Variants in PCDH15 observed in about 807,000 individuals in gnomAD.
PCDH15 encodes the protein protocadherin related 15, also known as protocadherin-15.
A neutral mutation model predicts 178.5 loss-of-function variants in PCDH15; 129 were observed. That is an observed-to-expected ratio of 0.72 (90% CI 0.63 to 0.84). The LOEUF is 0.84. Ranked by LOEUF, PCDH15 falls within the 40% of genes least tolerant of loss-of-function variation. The pLI, the probability that PCDH15 is intolerant of heterozygous loss-of-function variation, is 0.00. For synonymous variants in PCDH15, 800 were observed against 732.0 expected (o/e 1.09, Z -1.50); for missense variants, 2,230 against 2,099.9 (o/e 1.06, Z -1.21).
intron 37 of PCDH15, 32 bp from the exon 38 acceptor site, chr10:53,807,162 T>TATC (rs1554815013): frequency 6.7e-7 from 1 of 1,495,512 alleles, no homozygotes; most frequent in African/African-American, 1.4e-5. Flanking sequence ...TGTGAGTCAC[T>TATC]ATCAAATAAA....
intron 1 of PCDH15, among the ~76,000 whole-genome samples, chr10:55,309,718 A>G (rs1240077980): frequency 6.6e-6 from 1 of 152,216 alleles, no homozygotes; most frequent in African/African-American, 2.4e-5. Context: ...ACAGATTACT[A>G]CATTTGTTTC....
chr10:55,138,662 T>G (rs1936459), intron 2 of PCDH15, among the ~76,000 whole-genome samples: 1 of 152,058 alleles, frequency 6.6e-6, no homozygotes, highest in Non-Finnish European at 1.5e-5. Context: ...TACACTGCAA[T>G]GATTTAAGGT....
intron 11 of PCDH15, among the ~76,000 whole-genome samples, chr10:54,186,229 T>A (rs1007214474): frequency 6.6e-6 from 1 of 152,020 alleles, no homozygotes; most frequent in East Asian, 1.9e-4. Context: ...GATTATACTA[T>A]CTTTTAAAGT....
At chr10:55,195,478 T>C (rs1229692770) in intron 1 of PCDH15, among the ~76,000 whole-genome samples, 2 of 58,980 alleles carry the variant, frequency 3.4e-5, no homozygotes, top group East Asian at 4.2e-4. Context: ...CTATTTCTAC[T>C]AAAAATACAA....
At chr10:54,426,529 C>T (rs1040698860) in intron 3 of PCDH15, among the ~76,000 whole-genome samples, 9 of 152,168 alleles carry the variant, frequency 5.9e-5, no homozygotes, top group South Asian at 4.1e-4. Flanking sequence ...TAACAGGCCA[C>T]GGAACGGTAC....
intron 1 of PCDH15, among the ~76,000 whole-genome samples, chr10:54,722,382 A>G (rs1049485812): frequency 6.6e-6 from 1 of 151,700 alleles, no homozygotes; most frequent in Admixed American, 6.6e-5. Context: ...ACCATTTATC[A>G]TTATTCTTCT....
chr10:54,334,108 A>G (rs1283727369), intron 6 of PCDH15, among the ~76,000 whole-genome samples: 4 of 152,182 alleles, frequency 2.6e-5, no homozygotes, highest in Non-Finnish European at 1.5e-5. Context: ...GAAAAATCCA[A>G]TTATGGTTAA....
chr10:53,871,668 A>G (rs1484003438), intron 26 of PCDH15, among the ~76,000 whole-genome samples: 1 of 152,074 alleles, frequency 6.6e-6, no homozygotes, highest in Non-Finnish European at 1.5e-5. Context: ...TAACTCCCTT[A>G]TAACTCTACT....
intron 2 of PCDH15, among the ~76,000 whole-genome samples, chr10:55,383,807 T>C (rs1837592219): frequency 6.6e-6 from 1 of 152,156 alleles, no homozygotes; most frequent in Non-Finnish European, 1.5e-5. Flanking sequence ...AAAGATGTTT[T>C]ATACCTAGGA....
intron 18 of PCDH15, among the ~76,000 whole-genome samples, chr10:54,040,729 G>C (rs1421395384): frequency 1.3e-5 from 2 of 151,910 alleles, no homozygotes; most frequent in Non-Finnish European, 2.9e-5. Flanking sequence ...ATACATTTCA[G>C]AGACATGATG....
In PCDH15 at chr10:53,903,144, C is replaced by T. The variant is rs912858324; in HGVS notation, c.3501+99G>A. 1.3e-5 allele frequency: 18 copies of T among 1,377,628 alleles called. No individual in the cohort carries two copies. The Admixed American group carries it at 2.9e-4, about 22-fold the overall frequency. 85.3% of individuals were successfully genotyped at this position (1,377,628 alleles called of 1,614,324 possible). A position where few individuals can be genotyped will look rare whatever the true frequency, so the allele number is the denominator to read the frequency against. On this transcript the variant is annotated intron_variant, in intron 26 of 37. Coordinates refer to ENST00000644397, the MANE Select transcript of PCDH15 (RefSeq NM_001384140.1). The stretch of plus-strand genomic sequence containing the variant: ...TCCAAGTTTCAGGCTTTTGTTTATA[C>T]AGCATAAGTATGCAGTTAATGCAAA...
At chr10:54,083,405 C>T (rs2094465664) in intron 16 of PCDH15, among the ~76,000 whole-genome samples, 1 of 152,104 alleles carries the variant, frequency 6.6e-6, no homozygotes, top group South Asian at 2.1e-4. Flanking sequence ...AATAGGTAAA[C>T]AAATTGTTGT....
chr10:55,130,819 GCATAGTTCA>G (rs1472529118), intron 2 of PCDH15, among the ~76,000 whole-genome samples: 1 of 151,310 alleles, frequency 6.6e-6, no homozygotes, highest in Non-Finnish European at 1.5e-5. Context: ...AGCCCCTTCT[GCATAGTTCA>G]CATTAATCAA....
At chr10:53,825,995 C>T (rs533920248) in intron 32 of PCDH15, among the ~76,000 whole-genome samples, 100 of 151,638 alleles carry the variant, frequency 6.6e-4, no homozygotes, top group Middle Eastern at 5.2e-3. Context: ...AAAATGAATA[C>T]ATAATTCATT....
chr10:54,649,384 A>G (rs1044348985), intron 2 of PCDH15, among the ~76,000 whole-genome samples: 1 of 151,472 alleles, frequency 6.6e-6, no homozygotes, highest in Non-Finnish European at 1.5e-5. Flanking sequence ...TAATGCTCTA[A>G]TTTTTCCTGG....
chr10:55,309,927 A>G (rs964554678), intron 1 of PCDH15, among the ~76,000 whole-genome samples: 5 of 151,980 alleles, frequency 3.3e-5, no homozygotes, highest in African/African-American at 1.2e-4. Context: ...GCCTATTTTG[A>G]TGCTCTTTCT....
At chr10:54,004,426 C>CACCCACACACA (rs35001487) in intron 20 of PCDH15, among the ~76,000 whole-genome samples, 3 of 96,830 alleles carry the variant, frequency 3.1e-5, no homozygotes, top group Non-Finnish European at 8.8e-5. Context: ...CACACACACA[C>CACCCACACACA]CACACAAAGT....
At chr10:54,722,108 T>C (rs1230682862) in intron 1 of PCDH15, among the ~76,000 whole-genome samples, 5 of 151,434 alleles carry the variant, frequency 3.3e-5, no homozygotes, top group Non-Finnish European at 5.9e-5. Context: ...AGAACTAAAA[T>C]AGAAAAAACA....
chr10:55,621,507 G>A (rs1837387185), intron 2 of PCDH15, among the ~76,000 whole-genome samples: 1 of 152,140 alleles, frequency 6.6e-6, no homozygotes, highest in Non-Finnish European at 1.5e-5. Context: ...ATGGTGGGTG[G>A]CATTACCACC....
Sources: allele counts gnomAD v4.1 joint callset (sites outside exome capture counted in the v4.1 genomes callset), GRCh38; gene constraint gnomAD v4.1.1; transcripts MANE v1.5; gene names NCBI Gene and HGNC (gene_info 2026-07-23, HGNC 2026-07-21).